TAFA5: variants seen among roughly 807,000 people sequenced by gnomAD.
TAFA5 encodes TAFA chemokine like family member 5.
A neutral mutation model predicts 15.3 loss-of-function variants in TAFA5; 6 were observed. That is an observed-to-expected ratio of 0.39 (90% CI 0.21 to 0.77). The LOEUF (loss-of-function observed/expected upper bound fraction) is 0.77. Among genes scored for constraint, TAFA5 ranks in the 30% least tolerant of loss-of-function variants. TAFA5 has a pLI of 0.41. For missense variants in TAFA5, 161 were observed against 193.1 expected (o/e 0.83, Z 0.98); for synonymous variants, 103 against 80.7 (o/e 1.28, Z -1.48).
chr22:48,508,294 G>C lies in TAFA5; in HGVS notation c.112+18590G>C, dbSNP rs546272595. On this transcript the variant is annotated intron_variant, in intron 1 of 3. Transcript: ENST00000402357. ...AGGTGCTGACCCAGGGTAGGCTAGA[G>C]AGTAGGCGGGGGTGCAGCCAGTCCC... Among the ~76,000 whole-genome samples, 878 of 152,320 alleles carry C rather than the reference G, an allele frequency of 5.8e-3. 3 individuals are homozygous for C. The highest frequency in any genetic ancestry group is 8.4e-3 in the Non-Finnish European group (570 of 68,018).
intron 1 of TAFA5, among the ~76,000 whole-genome samples, chr22:48,555,352 C>T (rs936534767): frequency 1.3e-5 from 2 of 152,218 alleles, no homozygotes; most frequent in Non-Finnish European, 2.9e-5. Context: ...CCTGTCTCAC[C>T]AGCAGAGCAA....
In TAFA5 at chr22:48,687,866, C is replaced by T. The variant is rs572548643; in HGVS notation, c.263-19851C>T. On this transcript the variant is annotated intron_variant, in intron 2 of 3. Coordinates refer to ENST00000402357, the MANE Select transcript of TAFA5 (RefSeq NM_001082967.3). The stretch of plus-strand genomic sequence containing the variant: ...GTGCGGCTCCACCAGCACTTAGCGC[C>T]TGGGACCTCCTGGAACCAGACAGGA... 3.3e-5 allele frequency among the ~76,000 whole-genome samples: 5 copies of T among 152,334 alleles called. No individual in the cohort carries two copies. The East Asian group carries it at 7.7e-4, about 24-fold the overall frequency.
intron 1 of TAFA5, among the ~76,000 whole-genome samples, chr22:48,584,942 CTGA>C (rs2147151259): frequency 7.5e-6 from 1 of 134,110 alleles, no homozygotes; most frequent in Admixed American, 7.4e-5. Context: ...ATACACTGCA[CTGA>C]TATCACACAC....
At chr22:48,581,254 C>T (rs955882752) in intron 1 of TAFA5, among the ~76,000 whole-genome samples, 2 of 152,192 alleles carry the variant, frequency 1.3e-5, no homozygotes, top group Admixed American at 1.3e-4. Context: ...TTGCTGGGCA[C>T]AGGAGTCCCA....
chr22:48,739,262 TA>T (rs1440809709), intron 3 of TAFA5, among the ~76,000 whole-genome samples: 10 of 152,326 alleles, frequency 6.6e-5, no homozygotes, highest in South Asian at 6.2e-4. Flanking sequence ...TTAAATTAAA[TA>T]TTTTTTTTTC....
At position 48,732,535 on chromosome 22, in the gene TAFA5, G is replaced by A. The variant is rs11913153; in HGVS notation, c.391-17304G>A. 5.8e-3 allele frequency among the ~76,000 whole-genome samples: 879 copies of A among 152,280 alleles called. 8 individuals are homozygous for A. Among genetic ancestry groups the A allele is most frequent in the African/African-American group, 0.017 (711 of 41,566 alleles). ...CCTCCCAAAGTGCTGGATTACAGGCGTGAGCCACCACGCCTGGCCAGAAAG... is the reference window on the plus strand; with the variant it reads ...CCTCCCAAAGTGCTGGATTACAGGCATGAGCCACCACGCCTGGCCAGAAAG... On this transcript the variant is annotated intron_variant, in intron 3 of 3. Coordinates refer to ENST00000402357, the MANE Select transcript of TAFA5 (RefSeq NM_001082967.3).
intron 1 of TAFA5, among the ~76,000 whole-genome samples, chr22:48,520,891 G>A (rs79462567): frequency 6.6e-6 from 1 of 152,184 alleles, no homozygotes; most frequent in Non-Finnish European, 1.5e-5. Flanking sequence ...CCAGGGCCAG[G>A]GGGGGTCGCA....
At chr22:48,504,077 A>G (rs1190158165) in intron 1 of TAFA5, among the ~76,000 whole-genome samples, 1 of 152,150 alleles carries the variant, frequency 6.6e-6, no homozygotes, top group Non-Finnish European at 1.5e-5. Flanking sequence ...TTCTGGTACC[A>G]GCGATCGAGT....
rs190810801 is a variant in TAFA5, at chr22:48,590,771, C to T, written c.113-55826C>T. Among the ~76,000 whole-genome samples the T allele has an allele frequency of 4.6e-5, 7 of 152,166 alleles. No individual in the cohort carries two copies. In the South Asian group the frequency reaches 8.3e-4, roughly 18 times the overall value. On this transcript the variant is annotated intron_variant, in intron 1 of 3. Transcript: ENST00000402357. ...GCCATTTCCTATTCCAGTTGGAATC[C>T]GTTGTGACCAGCTTCACAGTTACCT...
chr22:48,576,754 A>G (rs1237823556), intron 1 of TAFA5, among the ~76,000 whole-genome samples: 4 of 151,018 alleles, frequency 2.6e-5, no homozygotes, highest in Non-Finnish European at 4.4e-5. Context: ...CCCCCCGCGG[A>G]TCTCGCTGCC....
chr22:48,739,617 G>A (rs1386860395), intron 3 of TAFA5, among the ~76,000 whole-genome samples: 1 of 152,214 alleles, frequency 6.6e-6, no homozygotes, highest in African/African-American at 2.4e-5. Flanking sequence ...TTAGACATCT[G>A]TTGCAGCCCA....
intron 3 of TAFA5, among the ~76,000 whole-genome samples, chr22:48,725,838 A>G (rs1457500872): frequency 6.6e-6 from 1 of 152,184 alleles, no homozygotes; most frequent in Non-Finnish European, 1.5e-5. Flanking sequence ...CCTGAGGGGG[A>G]ACCTCAATGG....
intron 1 of TAFA5, among the ~76,000 whole-genome samples, chr22:48,628,309 C>T (rs1926094969): frequency 1.3e-5 from 2 of 152,220 alleles, no homozygotes; most frequent in Non-Finnish European, 2.9e-5. Flanking sequence ...AGAGGAGCCC[C>T]TGCCTTGGCA....
intron 1 of TAFA5, among the ~76,000 whole-genome samples, chr22:48,498,709 G>A (rs891420685): frequency 5.3e-5 from 8 of 152,062 alleles, no homozygotes; most frequent in Non-Finnish European, 1.0e-4. Context: ...CGAGCACCCC[G>A]GCCACCCCCC....
intron 1 of TAFA5, among the ~76,000 whole-genome samples, chr22:48,597,463 C>T (rs1485617565): frequency 2.0e-5 from 3 of 151,808 alleles, no homozygotes; most frequent in African/African-American, 4.8e-5. Flanking sequence ...CCACCCTCTT[C>T]ACCACGCCAC....
chr22:48,531,271 G>C (rs1272961541), intron 1 of TAFA5, among the ~76,000 whole-genome samples: 3 of 152,234 alleles, frequency 2.0e-5, no homozygotes, highest in African/African-American at 7.2e-5. Context: ...GTCCTGCCCT[G>C]GCTCTGCCTC....
chr22:48,659,513 G>A (rs1207606512), intron 2 of TAFA5, among the ~76,000 whole-genome samples: 4 of 152,246 alleles, frequency 2.6e-5, no homozygotes, highest in Admixed American at 6.5e-5. Flanking sequence ...TGGGCTGGAC[G>A]GTGGATGTGG....
intron 3 of TAFA5, among the ~76,000 whole-genome samples, chr22:48,709,702 G>A (rs1054255392): frequency 8.5e-5 from 13 of 152,210 alleles, no homozygotes; most frequent in Non-Finnish European, 1.9e-4. Context: ...CTTCAGGAAC[G>A]AACTCGGATG....
At chr22:48,542,211 A>T (rs527516558) in intron 1 of TAFA5, among the ~76,000 whole-genome samples, 2 of 110,628 alleles carry the variant, frequency 1.8e-5, no homozygotes, top group South Asian at 5.9e-4. Context: ...TGTGATGTAC[A>T]TGATGTGTGG....
Sources: allele counts gnomAD v4.1 joint callset (sites outside exome capture counted in the v4.1 genomes callset), GRCh38; gene constraint gnomAD v4.1.1; transcripts MANE v1.5; gene names NCBI Gene and HGNC (gene_info 2026-07-23, HGNC 2026-07-21).